GIPC2: variants seen among roughly 807,000 people sequenced by gnomAD.
GIPC2 encodes GIPC PDZ domain containing family member 2, also known as PDZ domain-containing protein GIPC2.
GIPC2 carries 30 observed loss-of-function variants against 30.6 expected under a neutral mutation model. The ratio of observed to expected loss-of-function variants is 0.98; its 90% confidence interval spans 0.73 to 1.33. The LOEUF (loss-of-function observed/expected upper bound fraction) is 1.33. Ranked by LOEUF, GIPC2 falls within the 40% of genes most tolerant of loss-of-function variation. The pLI, the probability that GIPC2 is intolerant of heterozygous loss-of-function variation, is 0.00. For missense variants in GIPC2, 414 were observed against 390.3 expected, an observed-to-expected ratio of 1.06 and a Z score of -0.51; for synonymous variants, 167 against 150.0, an observed-to-expected ratio of 1.11 and a Z score of -0.83.
intron 3 of GIPC2, among the ~76,000 whole-genome samples, chr1:78,102,040 G>A (rs77630067): frequency 0.015 from 2,321 of 152,218 alleles, 67 homozygotes; most frequent in African/African-American, 0.054. Flanking sequence ...TGATTCTTGC[G>A]TGCCCTTTAT....
chr1:78,096,246 G>C (rs1031453453), intron 3 of GIPC2, among the ~76,000 whole-genome samples: 2 of 152,198 alleles, frequency 1.3e-5, no homozygotes, highest in Non-Finnish European at 2.9e-5. Flanking sequence ...ACTTCTCACA[G>C]AGGAAGGAAA....
intron 3 of GIPC2, among the ~76,000 whole-genome samples, chr1:78,110,655 C>A (rs934363525): frequency 6.6e-6 from 1 of 152,190 alleles, no homozygotes; most frequent in Non-Finnish European, 1.5e-5. Context: ...GGAAATGTAA[C>A]CTCTCCATTC....
intron 3 of GIPC2, among the ~76,000 whole-genome samples, chr1:78,115,612 A>G (rs1662553998): frequency 6.6e-6 from 1 of 152,178 alleles, no homozygotes; most frequent in Admixed American, 6.5e-5. Context: ...TGCTGAGTGC[A>G]TGATAATTCT....
chr1:78,058,160 G>T (rs143728545), intron 1 of GIPC2, among the ~76,000 whole-genome samples: 1 of 152,054 alleles, frequency 6.6e-6, no homozygotes, highest in Non-Finnish European at 1.5e-5. Flanking sequence ...TAGGAGTGCC[G>T]CTTACTATCT....
At chr1:78,081,939 A>T (rs965864441) in intron 2 of GIPC2, among the ~76,000 whole-genome samples, 19 of 152,208 alleles carry the variant, frequency 1.2e-4, no homozygotes, top group African/African-American at 4.6e-4. Flanking sequence ...CACCCAGATC[A>T]GGATAAATTG....
chr1:78,109,004 A>G lies in GIPC2; in HGVS notation c.608-10389A>G, dbSNP rs143511489. On this transcript the variant is annotated intron_variant, in intron 3 of 5. Coordinates refer to ENST00000370759, the MANE Select transcript of GIPC2 (RefSeq NM_017655.6). Reference sequence around the variant, plus strand: ...TGTGTGGGGCCCATACAATGTGACTAGGACTCAGTTCCTTGCCTTTTCTCT... The same window carrying G: ...TGTGTGGGGCCCATACAATGTGACTGGGACTCAGTTCCTTGCCTTTTCTCT... Among the ~76,000 whole-genome samples the G allele has an allele frequency of 3.4e-3, 511 of 152,270 alleles. 2 individuals are homozygous for G. The highest frequency in any genetic ancestry group is 0.012 in the African/African-American group (497 of 41,564).
intron 1 of GIPC2, among the ~76,000 whole-genome samples, chr1:78,063,721 T>C (rs1471519400): frequency 6.6e-6 from 1 of 151,688 alleles, no homozygotes; most frequent in African/African-American, 2.4e-5. Context: ...CCATCTCTAC[T>C]AAAAATACAA....
chr1:78,076,317 G>GCAAT (rs1661716212), intron 1 of GIPC2, among the ~76,000 whole-genome samples: 4 of 152,160 alleles, frequency 2.6e-5, no homozygotes, highest in Admixed American at 2.6e-4. Context: ...GCCCCAAAGG[G>GCAAT]CAATAGCTTT....
chr1:78,058,674 C>T (rs1661339145), intron 1 of GIPC2, among the ~76,000 whole-genome samples: 1 of 152,152 alleles, frequency 6.6e-6, no homozygotes, highest in Non-Finnish European at 1.5e-5. Flanking sequence ...TTTGTAAATT[C>T]ATGATACATA....
At chr1:78,121,098 CTT>C (rs753404075) in intron 4 of GIPC2, among the ~76,000 whole-genome samples, 3 of 152,154 alleles carry the variant, frequency 2.0e-5, no homozygotes, top group African/African-American at 7.2e-5. Context: ...CTTTGAATGA[CTT>C]TGTCTATATA....
chr1:78,133,749 ATTGT>A (rs758569847), intron 5 of GIPC2, among the ~76,000 whole-genome samples: 1 of 96,612 alleles, frequency 1.0e-5, no homozygotes, highest in Non-Finnish European at 1.9e-5. Flanking sequence ...GGAAAAAAAA[ATTGT>A]GTGTGTGTGT....
At chr1:78,081,117 A>G (rs1661820040) in intron 2 of GIPC2, among the ~76,000 whole-genome samples, 2 of 152,106 alleles carry the variant, frequency 1.3e-5, no homozygotes, top group South Asian at 2.1e-4. Flanking sequence ...CCTGGTGCCT[A>G]CTCATTATCC....
At chr1:78,052,263 C>T (rs7530244) in intron 1 of GIPC2, among the ~76,000 whole-genome samples, 8 of 152,256 alleles carry the variant, frequency 5.3e-5, no homozygotes, top group South Asian at 4.1e-4. Context: ...AATTTTTCTC[C>T]GTAGCATACT....
intron 1 of GIPC2, 36 bp from the exon 2 acceptor site, chr1:78,080,639 G>T (rs755109819): frequency 8.1e-7 from 1 of 1,227,152 alleles, no homozygotes; most frequent in Admixed American, 2.0e-5. Flanking sequence ...TGTATTCCAA[G>T]TGGAAATGGA....
intron 5 of GIPC2, among the ~76,000 whole-genome samples, chr1:78,134,797 A>C (rs1199624643): frequency 6.6e-6 from 1 of 152,038 alleles, no homozygotes; most frequent in East Asian, 1.9e-4. Flanking sequence ...TCCCTTTCAC[A>C]TGGAGGTTTT....
chr1:78,053,493 T>C (rs886378853), intron 1 of GIPC2, among the ~76,000 whole-genome samples: 1 of 152,072 alleles, frequency 6.6e-6, no homozygotes, highest in African/African-American at 2.4e-5. Context: ...AAACTGCAGG[T>C]GAGAATCCCT....
At chr1:78,094,219 C>G (rs1333111287) in intron 2 of GIPC2, among the ~76,000 whole-genome samples, 2 of 152,178 alleles carry the variant, frequency 1.3e-5, no homozygotes, top group East Asian at 3.9e-4. Flanking sequence ...ATTGAAAAAG[C>G]TCAAGCTCTA....
At chr1:78,090,788 A>G (rs1213844151) in intron 2 of GIPC2, among the ~76,000 whole-genome samples, 1 of 152,222 alleles carries the variant, frequency 6.6e-6, no homozygotes, top group Admixed American at 6.5e-5. Context: ...GACTGGAAAT[A>G]TAGGAAGTCA....
At chr1:78,086,670 A>G (rs1012595950) in intron 2 of GIPC2, among the ~76,000 whole-genome samples, 1 of 152,042 alleles carries the variant, frequency 6.6e-6, no homozygotes, top group Non-Finnish European at 1.5e-5. Context: ...CCCTTTTACC[A>G]TTATATAATT....
Sources: gnomAD v4.1 joint callset for allele counts (sites outside exome capture counted in the v4.1 genomes callset) on GRCh38, gnomAD v4.1.1 for gene constraint, MANE v1.5 for transcripts, NCBI Gene and HGNC (gene_info 2026-07-23, HGNC 2026-07-21) for gene names.